GDA: variants seen among roughly 807,000 people sequenced by gnomAD.
The protein encoded by GDA is guanine deaminase, also known as cytoplasmic PSD-95 interactor.
In GDA, 18 loss-of-function variants were observed where a neutral mutation model predicts 59.6. The ratio of observed to expected loss-of-function variants is 0.30; its 90% CI spans 0.21 to 0.45. The LOEUF (loss-of-function observed/expected upper bound fraction) is 0.45. GDA is among the 20% of genes least tolerant of loss of function. GDA has a pLI of 1.00. For synonymous variants in GDA, 201 were observed against 201.1 expected (o/e 1.00, Z 0.00); for missense variants, 427 against 552.3 (o/e 0.77, Z 2.27).
At chr9:72,219,560 G>A in intron 6 of GDA, 54 bp downstream of exon 6, 1 of 1,340,228 alleles carries the variant, frequency 7.5e-7, no homozygotes, top group East Asian at 2.3e-5. Context: ...TTAGCTGTAG[G>A]ATTCATAAAG....
chr9:72,162,373 A>G (rs762850600), intron 1 of GDA, among the ~76,000 whole-genome samples: 11 of 152,328 alleles, frequency 7.2e-5, no homozygotes, highest in South Asian at 6.2e-4. Flanking sequence ...TGCAAATCAG[A>G]GGACTTGGCT....
At chr9:72,199,198 A>C (rs1833619514) in intron 2 of GDA, among the ~76,000 whole-genome samples, 1 of 152,210 alleles carries the variant, frequency 6.6e-6, no homozygotes. Flanking sequence ...TTCTCTCTAT[A>C]AAATGAGCAG....
At chr9:72,232,006 T>G (rs1162825639) in intron 10 of GDA, among the ~76,000 whole-genome samples, 1 of 152,250 alleles carries the variant, frequency 6.6e-6, no homozygotes, top group East Asian at 1.9e-4. Context: ...AGTGACGGAT[T>G]AGTGATGTTT....
intron 8 of GDA, among the ~76,000 whole-genome samples, chr9:72,227,730 C>T (rs1837774425): frequency 6.6e-6 from 1 of 152,194 alleles, no homozygotes; most frequent in Admixed American, 6.5e-5. Flanking sequence ...CCACAAATTT[C>T]CTGAGACTTT....
Position 72,149,678 on chromosome 9 carries a change from G to A in GDA, c.119G>A (p.Gly40Asp). Residue 40 changes from glycine (G) to aspartate (D), a missense_variant, in exon 1 of 14, where the codon GGC becomes GAC. Gly to Asp is a moderately conservative substitution (Grantham distance 94). Transcript: ENST00000358399. ...RDHLLGVSDS[G>D]KIVFLEEASQ... The stretch of plus-strand genomic sequence containing the variant: ...CACCTCCTCGGCGTGAGCGACAGCG[G>A]CAAAGTAAGCAGGCGCGGGGTCGAG... 2 of 1,598,322 alleles carry A rather than the reference G, an allele frequency of 1.3e-6. No homozygotes were observed. The highest frequency in any genetic ancestry group is 1.7e-6 in the Non-Finnish European group (2 of 1,173,668).
At chr9:72,140,394 G>T (rs1285926099) in intron 1 of GDA, among the ~76,000 whole-genome samples, 1 of 152,118 alleles carries the variant, frequency 6.6e-6, no homozygotes, top group African/African-American at 2.4e-5. Flanking sequence ...GAAAAGAGGA[G>T]GAAAGAGGGC....
intron 1 of GDA, among the ~76,000 whole-genome samples, chr9:72,117,865 A>C (rs1371128967): frequency 6.6e-6 from 1 of 152,224 alleles, no homozygotes; most frequent in African/African-American, 2.4e-5. Context: ...TTTGGTTGTC[A>C]ATAAACAGTC....
At position 72,251,316 on chromosome 9, in the gene GDA, G is replaced by T. The variant is rs1840657076; in HGVS notation, c.*2974G>T. On this transcript the variant is annotated 3_prime_UTR_variant, in exon 14 of 14. Coordinates refer to ENST00000358399, the MANE Select transcript of GDA (RefSeq NM_004293.5). ...GGTGTGAGATCTAGCAATGCATTTT[G>T]AATCTTCACTCCCTACCAGGCTCTT... 6.4e-6 allele frequency: 1 copy of T among 157,046 alleles called. No individual in the cohort carries two copies. The highest frequency in any genetic ancestry group is 6.3e-5 in the Admixed American group (1 of 15,926). The allele number at this position is 157,046 out of a possible 1,614,324, so 9.7% of individuals were successfully genotyped here.
At chr9:72,148,681 T>C (rs1426135877), upstream of GDA, among the ~76,000 whole-genome samples, 1 of 152,106 alleles carries the variant, frequency 6.6e-6, no homozygotes, top group Non-Finnish European at 1.5e-5. Context: ...ACGCTGACCC[T>C]AGTTATGACC....
In GDA at chr9:72,195,492, T is replaced by C. The variant is rs764274180; in HGVS notation, c.124-8T>C. The C allele has an allele frequency of 2.3e-6, 3 of 1,296,604 alleles. No individual in the cohort carries two copies. Among genetic ancestry groups the C allele is most frequent in the Admixed American group, 1.9e-5 (1 of 53,352 alleles). The allele number at this position is 1,296,604 out of a possible 1,614,324, so 80.3% of individuals were successfully genotyped here. A position where few individuals can be genotyped will look rare whatever the true frequency, so the allele number is the denominator to read the frequency against. On this transcript the variant is annotated splice_polypyrimidine_tract_variant and splice_region_variant and intron_variant, in intron 1 of 13. Transcript: ENST00000358399. ...GTGTTTCTTTTCTTTTCTTTCTTTC[T>C]TTTAAAGATAGTGTTTTTAGAAGAA...
chr9:72,162,874 G>C (rs1405606044), intron 1 of GDA, among the ~76,000 whole-genome samples: 1 of 152,172 alleles, frequency 6.6e-6, no homozygotes, highest in Non-Finnish European at 1.5e-5. Context: ...AGCCAGGATG[G>C]TCTCGATCTC....
downstream of GDA, chr9:72,253,531 A>T (rs142288976): frequency 6.6e-6 from 1 of 152,148 alleles, no homozygotes; most frequent in African/African-American, 2.4e-5. Context: ...CTTGCTGCCT[A>T]TCTGTGAGGA....
intron 2 of GDA, among the ~76,000 whole-genome samples, chr9:72,196,594 C>G (rs1458122609): frequency 1.3e-5 from 2 of 151,106 alleles, no homozygotes; most frequent in African/African-American, 2.4e-5. Flanking sequence ...GTTTATTTTA[C>G]TTTAAGTTCT....
chr9:72,219,402 G>A (rs1564103585), intron 5 of GDA, 77 bp from the exon 6 acceptor site: 1 of 1,089,358 alleles, frequency 9.2e-7, no homozygotes, highest in Non-Finnish European at 1.4e-6. Context: ...GACTCTGTCT[G>A]AAGAAAAAAA....
intron 1 of GDA, among the ~76,000 whole-genome samples, chr9:72,150,318 TACACACACAC>T (rs112713655): frequency 2.0e-5 from 3 of 149,186 alleles, no homozygotes; most frequent in Non-Finnish European, 4.5e-5. Flanking sequence ...CACACACGCG[TACACACACAC>T]ACACACACGC....
Position 72,226,016 on chromosome 9 carries a change from CGT to C in GDA, c.822+249_822+250del, listed in dbSNP as rs746107479. The stretch of plus-strand genomic sequence containing the variant: ...GTGTGTGTGTGTGTGTGTGTGTGTG[CGT>C]GTGTGTGTGTGTGTGTAGTTAAAAA... On this transcript the variant is annotated intron_variant, in intron 8 of 13. Coordinates refer to ENST00000358399, the MANE Select transcript of GDA (RefSeq NM_004293.5). 1.4e-3 allele frequency among the ~76,000 whole-genome samples: 169 copies of C among 124,066 alleles called. 1 individual carries two copies. The highest frequency in any genetic ancestry group is 2.5e-3 in the Admixed American group (31 of 12,484). The allele number at this position is 124,066 out of a possible 152,430, so 81.4% of individuals were successfully genotyped here.
downstream of GDA, among the ~76,000 whole-genome samples, chr9:72,259,699 C>A (rs1324247729): frequency 4.6e-5 from 7 of 151,948 alleles, no homozygotes. Context: ...TAGCAAAGAG[C>A]CAACATACTT....
chr9:72,248,259 A>AT lies in GDA; in HGVS notation c.1295-8dup, dbSNP rs1267898240. The AT allele has an allele frequency of 2.5e-6, 4 of 1,583,408 alleles. No homozygotes were observed. Among genetic ancestry groups the AT allele is most frequent in the Non-Finnish European group, 3.5e-6 (4 of 1,152,270 alleles). ...AAAGGATTTTATACATGATTCCTTGATTTTTCTTTCAGGAGATGATCGAAA... is the reference window on the plus strand; with the variant it reads ...AAAGGATTTTATACATGATTCCTTGATTTTTTCTTTCAGGAGATGATCGAAA... On this transcript the variant is annotated splice_polypyrimidine_tract_variant and intron_variant, in intron 13 of 13. Transcript: ENST00000358399.
At chr9:72,138,353 A>C (rs1157054939) in intron 1 of GDA, among the ~76,000 whole-genome samples, 1 of 152,154 alleles carries the variant, frequency 6.6e-6, no homozygotes, top group Non-Finnish European at 1.5e-5. Flanking sequence ...CTGGAACTTA[A>C]AGTGGTGGTG....
Sources: allele counts gnomAD v4.1 joint callset (sites outside exome capture counted in the v4.1 genomes callset), GRCh38; gene constraint gnomAD v4.1.1; transcripts MANE v1.5; gene names NCBI Gene and HGNC (gene_info 2026-07-23, HGNC 2026-07-21).